The following TMTC1 variants were observed in gnomAD, a reference collection of about 807,000 sequenced individuals.
TMTC1 encodes transmembrane O-mannosyltransferase targeting cadherins 1.
A neutral mutation model predicts 104.8 loss-of-function variants in TMTC1; 73 were observed. The observed-to-expected ratio is 0.70, with a 90% CI of 0.58 to 0.85. TMTC1 has a LOEUF of 0.85. TMTC1 is among the 40% of genes least tolerant of loss of function. The pLI is 0.00. For missense variants in TMTC1, 1,035 were observed against 1,096.1 expected (o/e 0.94, Z 0.79); for synonymous variants, 434 against 428.7 (o/e 1.01, Z -0.15).
intron 7 of TMTC1, among the ~76,000 whole-genome samples, chr12:29,589,784 T>A (rs980533633): frequency 3.9e-5 from 6 of 152,214 alleles, no homozygotes; most frequent in African/African-American, 1.4e-4. Context: ...CTGTGCTAAG[T>A]GGTTTGATGG....
intron 7 of TMTC1, 37 bp downstream of exon 7, chr12:29,604,141 G>A (rs772385836): frequency 6.2e-7 from 1 of 1,610,550 alleles, no homozygotes; most frequent in South Asian, 1.1e-5. Flanking sequence ...GTGACAGAGG[G>A]CAGGTCTTGT....
At chr12:29,743,413 T>C (rs952234927) in intron 5 of TMTC1, among the ~76,000 whole-genome samples, 2 of 152,200 alleles carry the variant, frequency 1.3e-5, no homozygotes, top group Non-Finnish European at 2.9e-5. Flanking sequence ...ATCACAATCA[T>C]CATGCTTGCT....
intron 5 of TMTC1, among the ~76,000 whole-genome samples, chr12:29,724,140 T>C (rs775081691): frequency 9.9e-5 from 15 of 152,104 alleles, no homozygotes; most frequent in Admixed American, 7.9e-4. Context: ...CCAATAATAA[T>C]CATGTGACTA....
intron 6 of TMTC1, among the ~76,000 whole-genome samples, chr12:29,604,787 C>G (rs1946654853): frequency 6.6e-6 from 1 of 152,172 alleles, no homozygotes. Context: ...AAATCAAATA[C>G]TAATGATAAA....
chr12:29,780,614 CAT>C (rs1435062320), intron 1 of TMTC1, among the ~76,000 whole-genome samples: 1 of 151,966 alleles, frequency 6.6e-6, no homozygotes, highest in Non-Finnish European at 1.5e-5. Context: ...GAAATCTACA[CAT>C]ATGATAAAGC....
chr12:29,650,420 G>A (rs1222275488), intron 5 of TMTC1, among the ~76,000 whole-genome samples: 1 of 151,846 alleles, frequency 6.6e-6, no homozygotes, highest in African/African-American at 2.4e-5. Context: ...TCTGTGAACT[G>A]TCACCTCTCT....
At chr12:29,665,367 T>C (rs574770782) in intron 5 of TMTC1, among the ~76,000 whole-genome samples, 1 of 152,344 alleles carries the variant, frequency 6.6e-6, no homozygotes, top group African/African-American at 2.4e-5. Flanking sequence ...AGGTTAGCCA[T>C]AGTAAATTCC....
chr12:29,683,877 C>G (rs1022904392), intron 5 of TMTC1, among the ~76,000 whole-genome samples: 8 of 150,898 alleles, frequency 5.3e-5, no homozygotes, highest in African/African-American at 2.0e-4. Context: ...GGTTCTCCCT[C>G]TGTCACCTAG....
intron 16 of TMTC1, among the ~76,000 whole-genome samples, chr12:29,514,255 CAT>C (rs1269469269): frequency 6.6e-6 from 1 of 152,090 alleles, no homozygotes; most frequent in Non-Finnish European, 1.5e-5. Context: ...TCAAATTAAA[CAT>C]GATTATTCAG....
At chr12:29,544,323 A>G (rs368935466) in intron 10 of TMTC1, among the ~76,000 whole-genome samples, 1 of 151,676 alleles carries the variant, frequency 6.6e-6, no homozygotes, top group African/African-American at 2.4e-5. Context: ...AACAGTTAAC[A>G]TTCAGAGAAT....
At chr12:29,728,155 T>C (rs1214913906) in intron 5 of TMTC1, among the ~76,000 whole-genome samples, 4 of 152,150 alleles carry the variant, frequency 2.6e-5, no homozygotes, top group Non-Finnish European at 5.9e-5. Flanking sequence ...TCAGGCTCCG[T>C]TGTTAAAGCC....
At chr12:29,562,254 A>G (rs1945395917) in intron 9 of TMTC1, among the ~76,000 whole-genome samples, 1 of 152,198 alleles carries the variant, frequency 6.6e-6, no homozygotes, top group Admixed American at 6.5e-5. Flanking sequence ...GCCTCGGGAA[A>G]AAGCCTCAAC....
intron 11 of TMTC1, among the ~76,000 whole-genome samples, chr12:29,523,859 A>G (rs1327923187): frequency 6.6e-6 from 1 of 152,124 alleles, no homozygotes; most frequent in Non-Finnish European, 1.5e-5. Flanking sequence ...CACACTTAGC[A>G]TGAGTGACTC....
At chr12:29,706,186 G>A (rs954749778) in intron 5 of TMTC1, among the ~76,000 whole-genome samples, 1 of 152,148 alleles carries the variant, frequency 6.6e-6, no homozygotes, top group African/African-American at 2.4e-5. Context: ...AGGCTACCAA[G>A]TTCAGACAGA....
chr12:29,580,761 T>A (rs1306239175), intron 8 of TMTC1, among the ~76,000 whole-genome samples: 1 of 152,206 alleles, frequency 6.6e-6, no homozygotes, highest in Non-Finnish European at 1.5e-5. Context: ...AAGAGCATGA[T>A]CCTTGACAGC....
chr12:29,604,133 G>A lies in TMTC1; in HGVS notation c.1250+45C>T, dbSNP rs778483397. ...TCTCTCTGGAACTATCAATGTTGGT[G>A]ACAGAGGGCAGGTCTTGTAGGAGGA... On this transcript the variant is annotated intron_variant, in intron 7 of 17. Coordinates refer to ENST00000539277, the MANE Select transcript of TMTC1 (RefSeq NM_001193451.2). 3.1e-6 allele frequency: 5 copies of A among 1,609,044 alleles called. No individual in the cohort carries two copies. In the South Asian group the frequency reaches 3.3e-5, roughly 11 times the overall value.
intron 5 of TMTC1, among the ~76,000 whole-genome samples, chr12:29,740,972 T>C (rs1224475797): frequency 6.6e-6 from 1 of 152,196 alleles, no homozygotes. Flanking sequence ...TGCAAATTGT[T>C]TAAACAAACT....
intron 10 of TMTC1, among the ~76,000 whole-genome samples, chr12:29,536,864 G>A (rs1944660383): frequency 6.6e-6 from 1 of 152,132 alleles, no homozygotes; most frequent in African/African-American, 2.4e-5. Context: ...GTGACCACTG[G>A]CTGGTAAAGA....
chr12:29,695,455 C>G (rs1195875602), intron 5 of TMTC1, among the ~76,000 whole-genome samples: 1 of 151,940 alleles, frequency 6.6e-6, no homozygotes, highest in Admixed American at 6.6e-5. Context: ...TACAGACACA[C>G]GCCACCACAT....
Sources: gnomAD v4.1 joint callset for allele counts (sites outside exome capture counted in the v4.1 genomes callset) on GRCh38, gnomAD v4.1.1 for gene constraint, MANE v1.5 for transcripts, NCBI Gene and HGNC (gene_info 2026-07-23, HGNC 2026-07-21) for gene names.